Variants in PTPRN2 observed in about 807,000 individuals in gnomAD.
PTPRN2 encodes receptor-type tyrosine-protein phosphatase N2.
PTPRN2 carries 74 observed loss-of-function variants against 118.8 expected under a neutral mutation model. The observed-to-expected ratio is 0.62, with a 90% confidence interval of 0.52 to 0.76. The LOEUF (loss-of-function observed/expected upper bound fraction) is 0.76. Ranked by LOEUF, PTPRN2 falls within the 30% of genes least tolerant of loss-of-function variation. The pLI, the probability that PTPRN2 is intolerant of heterozygous loss-of-function variation, is 0.00. For synonymous variants in PTPRN2, 641 were observed against 608.0 expected (o/e 1.05, Z -0.80); for missense variants, 1,481 against 1,394.4 (o/e 1.06, Z -0.99).
intron 2 of PTPRN2, among the ~76,000 whole-genome samples, chr7:158,394,550 G>T (rs543127181): frequency 1.3e-5 from 2 of 152,330 alleles, no homozygotes; most frequent in African/African-American, 4.8e-5. Context: ...CTGGTTCCCT[G>T]AGCACCCCCT....
chr7:157,853,683 G>A (rs540709917), intron 12 of PTPRN2, among the ~76,000 whole-genome samples: 1 of 152,268 alleles, frequency 6.6e-6, no homozygotes, highest in South Asian at 2.1e-4. Context: ...GAATAACCGA[G>A]CCACACGTGC....
At chr7:157,809,664 C>G (rs1055109998) in intron 12 of PTPRN2, among the ~76,000 whole-genome samples, 2 of 152,112 alleles carry the variant, frequency 1.3e-5, no homozygotes, top group South Asian at 2.1e-4. Flanking sequence ...CGGAGTGAGG[C>G]GTCTACCTGC....
In PTPRN2 at chr7:158,021,843, A is replaced by G. The variant is rs191916092; in HGVS notation, c.1723+59455T>C. Among the ~76,000 whole-genome samples the G allele has an allele frequency of 2.4e-3, 364 of 152,376 alleles. 1 individual carries two copies. The highest frequency in any genetic ancestry group is 4.2e-3 in the Non-Finnish European group (286 of 68,028). Reference sequence around the variant, plus strand: ...CACTACATCGGCCAACCCTAGTTTCAATAAAACTTTATTTACTAAAACAGG... The same window carrying G: ...CACTACATCGGCCAACCCTAGTTTCGATAAAACTTTATTTACTAAAACAGG... On this transcript the variant is annotated intron_variant, in intron 11 of 22. Coordinates refer to ENST00000389418, the MANE Select transcript of PTPRN2 (RefSeq NM_002847.5).
At chr7:158,192,655 C>T (rs1031648769) in intron 4 of PTPRN2, among the ~76,000 whole-genome samples, 160 bp from the exon 5 acceptor site, 4 of 152,126 alleles carry the variant, frequency 2.6e-5, no homozygotes, top group Admixed American at 6.5e-5. Context: ...GAACTTCTCC[C>T]GGGCCCCCGA....
intron 14 of PTPRN2, among the ~76,000 whole-genome samples, chr7:157,643,193 G>T (rs1168393420): frequency 6.6e-6 from 1 of 152,194 alleles, no homozygotes; most frequent in Admixed American, 6.5e-5. Flanking sequence ...CACTTGTCTC[G>T]CTGGGGCCAG....
chr7:158,265,906 C>G (rs1205369706), intron 3 of PTPRN2, among the ~76,000 whole-genome samples: 26 of 152,234 alleles, frequency 1.7e-4, no homozygotes, highest in Admixed American at 1.6e-3. Flanking sequence ...GCTGCGTCCA[C>G]CCCATCTGTT....
chr7:158,270,793 C>T (rs1390422396), intron 3 of PTPRN2, among the ~76,000 whole-genome samples: 1 of 113,674 alleles, frequency 8.8e-6, no homozygotes, highest in Non-Finnish European at 1.8e-5. Context: ...ACCCCTCCAC[C>T]TGGACCACCC....
intron 21 of PTPRN2, among the ~76,000 whole-genome samples, chr7:157,549,865 A>C (rs1798507358): frequency 6.6e-6 from 1 of 152,236 alleles, no homozygotes; most frequent in African/African-American, 2.4e-5. Context: ...AGAATCCCAC[A>C]GGGAAACCCA....
At chr7:158,141,555 C>A (rs1003549962) in intron 6 of PTPRN2, among the ~76,000 whole-genome samples, 2 of 152,238 alleles carry the variant, frequency 1.3e-5, no homozygotes, top group Non-Finnish European at 2.9e-5. Flanking sequence ...TTTTTAAGTG[C>A]AGTCTCTCTT....
intron 11 of PTPRN2, among the ~76,000 whole-genome samples, chr7:157,956,578 C>T (rs1415469370): frequency 6.6e-6 from 1 of 152,260 alleles, no homozygotes; most frequent in Admixed American, 6.5e-5. Context: ...TGGGCATCAG[C>T]CTGCACACAG....
chr7:158,280,609 G>A (rs868128475), intron 3 of PTPRN2, among the ~76,000 whole-genome samples: 2 of 152,224 alleles, frequency 1.3e-5, no homozygotes, highest in African/African-American at 4.8e-5. Flanking sequence ...GGAGATGAAA[G>A]GAGGAGCCGA....
At chr7:158,277,256 C>A (rs1051907245) in intron 3 of PTPRN2, among the ~76,000 whole-genome samples, 1 of 152,224 alleles carries the variant, frequency 6.6e-6, no homozygotes, top group Non-Finnish European at 1.5e-5. Flanking sequence ...CTGTGCGAAT[C>A]GGCCTCCAGC....
intron 12 of PTPRN2, among the ~76,000 whole-genome samples, chr7:157,796,634 A>G (rs546000143): frequency 4.2e-4 from 64 of 152,338 alleles, no homozygotes; most frequent in Non-Finnish European, 7.6e-4. Flanking sequence ...ATTCTAGGAA[A>G]GAGGCTTAAT....
chr7:157,548,632 G>A (rs1277157934), intron 22 of PTPRN2, among the ~76,000 whole-genome samples: 4 of 152,142 alleles, frequency 2.6e-5, no homozygotes, highest in African/African-American at 4.8e-5. Context: ...GGGATTTATC[G>A]TCAACCTCTT....
At chr7:158,061,952 G>C (rs1810380383) in intron 11 of PTPRN2, among the ~76,000 whole-genome samples, 1 of 152,272 alleles carries the variant, frequency 6.6e-6, no homozygotes, top group Non-Finnish European at 1.5e-5. Context: ...CCCAACCAGA[G>C]GGAGTGCCCA....
At position 157,576,617 on chromosome 7, in the gene PTPRN2, G is replaced by A; in HGVS notation, c.2779C>T (p.Arg927Cys). The A allele has an allele frequency of 6.2e-7, 1 of 1,609,546 alleles. No homozygotes were observed. The highest frequency in any genetic ancestry group is 8.5e-7 in the Non-Finnish European group (1 of 1,177,616). ...CCGGCGGGCCGCGCGTCATACCTGCGGAAGTCCAGGAGGGACCTTGAGGAG... is the reference window on the plus strand; with the variant it reads ...CCGGCGGGCCGCGCGTCATACCTGCAGAAGTCCAGGAGGGACCTTGAGGAG... The part of the protein sequence containing the change: ...PSSSRSLLDF[R>C]RKVNKCYRGR... The change falls in exon 19 of 23, where the codon CGC becomes TGC. Residue 927 changes from arginine (R) to cysteine (C), a missense_variant. Transcript: ENST00000389418.
intron 3 of PTPRN2, among the ~76,000 whole-genome samples, chr7:158,300,535 C>T (rs938035948): frequency 3.8e-4 from 2 of 5,196 alleles, no homozygotes; most frequent in African/African-American, 6.5e-4. Context: ...GCAGAGAAGA[C>T]ACCCCAATCT....
rs979352623 is a variant in PTPRN2, at chr7:158,022,935, G to A, written c.1723+58363C>T. On this transcript the variant is annotated intron_variant, in intron 11 of 22. Coordinates refer to ENST00000389418, the MANE Select transcript of PTPRN2 (RefSeq NM_002847.5). This position sits in a 1 kb window ranked among gnomAD's most constrained non-coding sequence, Gnocchi z 4.6. ...AATTTCACCTTGTTCTGCAGGGGATGGCAAGAGCAGGGTCGCCCTGGTGAG... is the reference window on the plus strand; with the variant it reads ...AATTTCACCTTGTTCTGCAGGGGATAGCAAGAGCAGGGTCGCCCTGGTGAG... 2.0e-5 allele frequency among the ~76,000 whole-genome samples: 3 copies of A among 152,246 alleles called. No individual in the cohort carries two copies. Among genetic ancestry groups the A allele is most frequent in the Non-Finnish European group, 4.4e-5 (3 of 68,036 alleles).
chr7:158,510,182 C>T (rs1823069077), intron 1 of PTPRN2, among the ~76,000 whole-genome samples: 2 of 152,172 alleles, frequency 1.3e-5, no homozygotes, highest in Admixed American at 6.5e-5. Flanking sequence ...TTTAGCTGGG[C>T]CCGGTTCTAT....
Sources: allele counts gnomAD v4.1 joint callset (sites outside exome capture counted in the v4.1 genomes callset), GRCh38; gene constraint gnomAD v4.1.1; non-coding constraint Gnocchi (gnomAD v3.1); transcripts MANE v1.5; gene names NCBI Gene and HGNC (gene_info 2026-07-23, HGNC 2026-07-21).